MYT1L: variants seen among roughly 807,000 people sequenced by gnomAD.
MYT1L encodes myelin transcription factor 1 like.
MYT1L carries 12 observed loss-of-function variants against 126.7 expected under a neutral mutation model. The ratio of observed to expected loss-of-function variants is 0.09; its 90% CI spans 0.06 to 0.15. The LOEUF is 0.15. Ranked by LOEUF, MYT1L falls within the 10% of genes least tolerant of loss-of-function variation. MYT1L has a pLI of 1.00. For synonymous variants in MYT1L, 541 were observed against 604.2 expected, an observed-to-expected ratio of 0.90 and a Z score of 1.53; for missense variants, 979 against 1,585.2, an observed-to-expected ratio of 0.62 and a Z score of 6.49.
intron 3 of MYT1L, among the ~76,000 whole-genome samples, chr2:2,158,714 ACAC>A (rs2087210204): frequency 6.6e-6 from 1 of 151,942 alleles, no homozygotes. Context: ...ACACACACAC[ACAC>A]ACACACACAC....
At chr2:1,980,188 TTA>T (rs1165941971) in intron 5 of MYT1L, among the ~76,000 whole-genome samples, 1 of 147,832 alleles carries the variant, frequency 6.8e-6, no homozygotes, top group Non-Finnish European at 1.5e-5. Context: ...TTTATATATC[TTA>T]TGTATATATA....
intron 9 of MYT1L, among the ~76,000 whole-genome samples, chr2:1,933,896 G>T (rs2055360317): frequency 6.6e-6 from 1 of 151,736 alleles, no homozygotes; most frequent in Admixed American, 6.6e-5. Context: ...TAAACACATT[G>T]GTCTAGGGTT....
At chr2:1,984,682 T>G (rs866971191) in intron 5 of MYT1L, among the ~76,000 whole-genome samples, 9 of 151,766 alleles carry the variant, frequency 5.9e-5, no homozygotes, top group Admixed American at 3.3e-4. Flanking sequence ...GCTAATTTTT[T>G]GTACTTTTAG....
At chr2:2,169,804 T>A (rs886773270) in intron 3 of MYT1L, among the ~76,000 whole-genome samples, 5 of 152,152 alleles carry the variant, frequency 3.3e-5, no homozygotes, top group African/African-American at 7.2e-5. Flanking sequence ...TCCGGGAAGA[T>A]GTTTTCTTTT....
intron 4 of MYT1L, among the ~76,000 whole-genome samples, chr2:2,019,132 T>C (rs1558756892): frequency 1.3e-5 from 2 of 152,144 alleles, no homozygotes; most frequent in Non-Finnish European, 2.9e-5. Context: ...CCCACCCAAA[T>C]CTCATCTTGA....
intron 3 of MYT1L, among the ~76,000 whole-genome samples, chr2:2,063,340 G>A (rs1213964007): frequency 2.0e-5 from 3 of 152,116 alleles, no homozygotes; most frequent in South Asian, 2.1e-4. Context: ...GGGCTTGCAC[G>A]AACATCTAGA....
chr2:2,259,899 G>A (rs2094919755), intron 2 of MYT1L, among the ~76,000 whole-genome samples: 1 of 152,204 alleles, frequency 6.6e-6, no homozygotes, highest in African/African-American at 2.4e-5. Flanking sequence ...CTGGCCAGGG[G>A]TTCTGTGAAG....
chr2:1,912,310 CAGAG>C lies in MYT1L; in HGVS notation c.1619-204_1619-201del. Among the ~76,000 whole-genome samples, 1 of 152,114 alleles carries C rather than the reference CAGAG, an allele frequency of 6.6e-6. No homozygotes were observed. The highest frequency in any genetic ancestry group is 1.9e-4 in the East Asian group (1 of 5,148). ...ACCCTACGGACCCTACACGAAAGGC[CAGAG>C]AAAGAAGGTTGACTGGACCCTACAG... On this transcript the variant is annotated intron_variant, in intron 11 of 24. Transcript: ENST00000647738. This position sits in a 1 kb window ranked among gnomAD's most constrained non-coding sequence, Gnocchi z 4.3.
At chr2:2,044,081 G>C (rs1029149963) in intron 4 of MYT1L, among the ~76,000 whole-genome samples, 1 of 152,112 alleles carries the variant, frequency 6.6e-6, no homozygotes, top group Non-Finnish European at 1.5e-5. Flanking sequence ...ATGTTTTACA[G>C]TGGTTGTGTT....
chr2:2,208,903 A>C (rs2093406136), intron 2 of MYT1L, among the ~76,000 whole-genome samples: 1 of 152,148 alleles, frequency 6.6e-6, no homozygotes, highest in Non-Finnish European at 1.5e-5. Flanking sequence ...TTTATTATCT[A>C]TGGGCTATCC....
chr2:1,868,734 G>A (rs778107709), intron 18 of MYT1L, among the ~76,000 whole-genome samples: 26 of 152,222 alleles, frequency 1.7e-4, no homozygotes, highest in African/African-American at 4.1e-4. Flanking sequence ...GCAGACGAGC[G>A]TTGCTATGGA....
chr2:2,261,384 G>T (rs1436162174), intron 2 of MYT1L, among the ~76,000 whole-genome samples: 2 of 152,072 alleles, frequency 1.3e-5, no homozygotes, highest in East Asian at 3.8e-4. Flanking sequence ...TATAAATTAG[G>T]AACATAACTA....
intron 8 of MYT1L, among the ~76,000 whole-genome samples, chr2:1,947,992 G>A (rs561066165): frequency 1.2e-4 from 19 of 152,232 alleles, no homozygotes; most frequent in Non-Finnish European, 1.9e-4. Flanking sequence ...TTGAGCACCC[G>A]GACTCCGGCT....
intron 14 of MYT1L, among the ~76,000 whole-genome samples, chr2:1,901,160 G>A (rs993520757): frequency 2.6e-5 from 4 of 152,146 alleles, no homozygotes; most frequent in South Asian, 2.1e-4. Flanking sequence ...ACCTGGAGAC[G>A]GCTCTGCTGG....
chr2:1,919,696 T>A (rs2053314117), intron 10 of MYT1L, among the ~76,000 whole-genome samples: 2 of 152,320 alleles, frequency 1.3e-5, no homozygotes, highest in South Asian at 4.1e-4. Flanking sequence ...GGTGAGATAG[T>A]ACCACAATTT....
At chr2:2,006,796 C>T (rs2063370616) in intron 4 of MYT1L, among the ~76,000 whole-genome samples, 2 of 151,714 alleles carry the variant, frequency 1.3e-5, no homozygotes, top group African/African-American at 4.8e-5. Flanking sequence ...GACCGGTCTC[C>T]AAGTCCTGAG....
intron 3 of MYT1L, among the ~76,000 whole-genome samples, chr2:2,122,457 CTACACGAAGGG>C (rs957969519): frequency 2.0e-5 from 3 of 152,152 alleles, no homozygotes; most frequent in Admixed American, 1.3e-4. Context: ...TGGCATTAGA[CTACACGAAGGG>C]GTAGGAAAAA....
In MYT1L at chr2:1,892,152, G is replaced by C; in HGVS notation, c.2168C>G (p.Thr723Arg). ...CATGTGGGCCGCCTCCATGTCGTGC[G>C]TGTAGTCGAAGCTGCTCTTGCTGCA... is the stretch of plus-strand genomic sequence containing the variant. ...STCSKSSFDY[T>R]HDMEAAHMAA... The change falls in exon 15 of 25, where the codon ACG becomes AGG. Residue 723 changes from threonine to arginine, a missense_variant. By Grantham distance (71) the Thr-to-Arg change is moderately conservative (BLOSUM62 -1). Around this residue, in one of 12 missense-constraint regions of MYT1L, gnomAD observed 28 missense variants for 66.6 expected, o/e 0.42. Transcript: ENST00000647738. The C allele has an allele frequency of 6.5e-7, 1 of 1,548,626 alleles. No individual in the cohort carries two copies. The highest frequency in any genetic ancestry group is 8.7e-7 in the Non-Finnish European group (1 of 1,146,664).
chr2:1,813,667 A>G (rs116352000), intron 21 of MYT1L, among the ~76,000 whole-genome samples: 5,048 of 152,086 alleles, frequency 0.033, 115 homozygotes, highest in East Asian at 0.066. Context: ...GCTCCTTAGA[A>G]GTTAATCCTG....
Sources: allele counts gnomAD v4.1 joint callset (sites outside exome capture counted in the v4.1 genomes callset), GRCh38; gene constraint gnomAD v4.1.1; regional missense constraint gnomAD v4.1.1; non-coding constraint Gnocchi (gnomAD v3.1); transcripts MANE v1.5; gene names NCBI Gene and HGNC (gene_info 2026-07-23, HGNC 2026-07-21).